The following CDH18 variants were observed in gnomAD, a reference collection of about 807,000 sequenced individuals.
CDH18 encodes cadherin-18.
Under a neutral mutation model 67.9 loss-of-function variants are expected in CDH18, and 31 were observed. The ratio of observed to expected loss-of-function variants is 0.46; its 90% CI spans 0.34 to 0.62. The LOEUF is 0.62. Ranked by LOEUF, CDH18 falls within the 20% of genes least tolerant of loss-of-function variation. The pLI, the probability that CDH18 is intolerant of heterozygous loss-of-function variation, is 0.01. For synonymous variants in CDH18, 362 were observed against 347.2 expected, an observed-to-expected ratio of 1.04 and a Z score of -0.48; for missense variants, 890 against 975.5, an observed-to-expected ratio of 0.91 and a Z score of 1.17.
chr5:19,785,220 T>C (rs1223487130), intron 3 of CDH18, among the ~76,000 whole-genome samples: 3 of 152,082 alleles, frequency 2.0e-5, no homozygotes, highest in South Asian at 4.1e-4. Flanking sequence ...TCATAGAATA[T>C]GAGATAATAA....
intron 6 of CDH18, among the ~76,000 whole-genome samples, chr5:19,610,275 G>T (rs533882994): frequency 1.3e-5 from 2 of 152,004 alleles, no homozygotes; most frequent in Admixed American, 1.3e-4. Flanking sequence ...ATTCTGTTTT[G>T]TCAGGTAAAG....
intron 1 of CDH18, among the ~76,000 whole-genome samples, chr5:20,440,019 T>C (rs13360919): frequency 0.2 from 31,001 of 151,644 alleles, 3,599 homozygotes; most frequent in East Asian, 0.3. Flanking sequence ...TATTTCCTTT[T>C]CCTTAAAATA....
intron 1 of CDH18, among the ~76,000 whole-genome samples, chr5:20,310,780 T>A (rs1736909266): frequency 6.6e-6 from 1 of 152,186 alleles, no homozygotes; most frequent in Non-Finnish European, 1.5e-5. Flanking sequence ...TTGAATGCAT[T>A]GTCCACATTG....
chr5:19,949,488 T>C (rs1795584813), intron 2 of CDH18, among the ~76,000 whole-genome samples: 1 of 152,136 alleles, frequency 6.6e-6, no homozygotes, highest in African/African-American at 2.4e-5. Context: ...ATATAAGTTT[T>C]GGACTGGAAC....
intron 2 of CDH18, among the ~76,000 whole-genome samples, chr5:20,033,794 A>G (rs901824895): frequency 2.0e-5 from 3 of 152,066 alleles, no homozygotes; most frequent in Non-Finnish European, 4.4e-5. Flanking sequence ...ATAAAAATAC[A>G]GTAGTTATGT....
chr5:20,299,744 C>G (rs1335863010), intron 1 of CDH18, among the ~76,000 whole-genome samples: 14 of 98,734 alleles, frequency 1.4e-4, no homozygotes, highest in African/African-American at 5.5e-4. Flanking sequence ...GGTGACAGAG[C>G]AAGGCTCTGT....
intron 1 of CDH18, among the ~76,000 whole-genome samples, chr5:20,477,456 G>T (rs2150249252): frequency 6.6e-6 from 1 of 152,350 alleles, no homozygotes; most frequent in South Asian, 2.1e-4. Context: ...TGTGGACAGA[G>T]AAGCTGTGTG....
intron 2 of CDH18, among the ~76,000 whole-genome samples, chr5:19,868,691 C>T (rs1232787482): frequency 3.3e-5 from 5 of 152,164 alleles, no homozygotes; most frequent in Non-Finnish European, 5.9e-5. Flanking sequence ...TAAGAAGGAA[C>T]TCATTTCTAT....
chr5:19,502,169 T>C lies in CDH18; in HGVS notation c.1630+823A>G, dbSNP rs559491144. On this transcript the variant is annotated intron_variant, in intron 11 of 12. Transcript: ENST00000382275. ...GGAAGTGAAGAGAAAGGGAATTCAA[T>C]GTTTACTTCAAAATGTATGTGCCAC... Among the ~76,000 whole-genome samples the C allele has an allele frequency of 2.4e-4, 36 of 152,326 alleles. 1 individual carries two copies. In the South Asian group the frequency reaches 7.2e-3, roughly 31 times the overall value.
At chr5:19,993,035 T>G (rs1800069736), upstream of CDH18, among the ~76,000 whole-genome samples, 2 of 152,306 alleles carry the variant, frequency 1.3e-5, no homozygotes, top group South Asian at 4.1e-4. Context: ...TGAAACTGGC[T>G]TTTATCAATA....
intron 2 of CDH18, among the ~76,000 whole-genome samples, chr5:20,150,369 A>C (rs1751005297): frequency 6.6e-6 from 1 of 152,120 alleles, no homozygotes. Context: ...TATAAAAAAG[A>C]GACAGTAACA....
At chr5:19,650,845 A>G (rs79451461) in intron 5 of CDH18, among the ~76,000 whole-genome samples, 2,723 of 152,198 alleles carry the variant, frequency 0.018, 100 homozygotes, top group African/African-American at 0.063. Context: ...TACACAAACT[A>G]TATAAATTAC....
chr5:19,599,258 G>T (rs1397663719), intron 6 of CDH18, among the ~76,000 whole-genome samples: 1 of 151,918 alleles, frequency 6.6e-6, no homozygotes, highest in African/African-American at 2.4e-5. Flanking sequence ...AAAAGACATG[G>T]ATCATGAATC....
At chr5:20,226,058 C>T (rs80171778) in intron 2 of CDH18, among the ~76,000 whole-genome samples, 2 of 151,958 alleles carry the variant, frequency 1.3e-5, no homozygotes, top group African/African-American at 2.4e-5. Context: ...ACTATTCTAA[C>T]GCATATGTTA....
intron 1 of CDH18, among the ~76,000 whole-genome samples, chr5:20,335,141 G>C (rs1049199116): frequency 3.3e-5 from 5 of 151,894 alleles, no homozygotes; most frequent in African/African-American, 1.2e-4. Context: ...CCCCTACAAG[G>C]CTTCCTTCCT....
chr5:19,972,731 G>A (rs1380254757), intron 2 of CDH18, among the ~76,000 whole-genome samples: 2 of 152,018 alleles, frequency 1.3e-5, no homozygotes, highest in Non-Finnish European at 2.9e-5. Context: ...TATTAAAGCT[G>A]AATATATACA....
chr5:20,450,712 C>G (rs1750378185), intron 1 of CDH18, among the ~76,000 whole-genome samples: 1 of 152,154 alleles, frequency 6.6e-6, no homozygotes, highest in Non-Finnish European at 1.5e-5. Flanking sequence ...TGTCACCTTG[C>G]TATGTGGTTC....
chr5:19,732,001 A>C (rs1767661014), intron 4 of CDH18, among the ~76,000 whole-genome samples: 2 of 152,006 alleles, frequency 1.3e-5, no homozygotes, highest in African/African-American at 4.8e-5. Context: ...GAGGTAGGAT[A>C]ATCAATTGAC....
intron 2 of CDH18, among the ~76,000 whole-genome samples, chr5:20,238,133 G>T (rs1742617406): frequency 6.6e-6 from 1 of 151,268 alleles, no homozygotes; most frequent in African/African-American, 2.5e-5. Flanking sequence ...CTCAAAGAGG[G>T]TCATAAACAT....
Sources: gnomAD v4.1 joint callset for allele counts (sites outside exome capture counted in the v4.1 genomes callset) on GRCh38, gnomAD v4.1.1 for gene constraint, MANE v1.5 for transcripts, NCBI Gene and HGNC (gene_info 2026-07-23, HGNC 2026-07-21) for gene names.